Variants in BRD10 observed in about 807,000 individuals in gnomAD.
The protein encoded by BRD10 is bromodomain containing 10.
chr9:5,954,365 C>A, the BRD10 span, among the ~76,000 whole-genome samples: 1 of 152,236 alleles, frequency 6.6e-6, no homozygotes, highest in Admixed American at 6.5e-5. Flanking sequence ...GAATCTACTG[C>A]AAGATTAGGC....
At chr9:6,002,795 G>T in the BRD10 span, among the ~76,000 whole-genome samples, 2 of 151,218 alleles carry the variant, frequency 1.3e-5, no homozygotes, top group African/African-American at 4.9e-5. Context: ...TCATGCCTCA[G>T]CCTCCCAAGT....
At chr9:5,891,788 C>T in the BRD10 span, among the ~76,000 whole-genome samples, 2 of 152,308 alleles carry the variant, frequency 1.3e-5, no homozygotes, top group African/African-American at 4.8e-5. Context: ...AAGGGAAACA[C>T]ATTGTTAGAT....
At chr9:5,972,861 T>C in the BRD10 span, among the ~76,000 whole-genome samples, 1 of 152,160 alleles carries the variant, frequency 6.6e-6, no homozygotes, top group Admixed American at 6.5e-5. Context: ...CAGCACACAA[T>C]GGAGTATCTT....
chr9:5,915,979 CTA>C, the BRD10 span, among the ~76,000 whole-genome samples: 34 of 152,262 alleles, frequency 2.2e-4, no homozygotes, highest in South Asian at 6.4e-3. Flanking sequence ...ACATTTTTAA[CTA>C]TATGTTTCTC....
the BRD10 span, among the ~76,000 whole-genome samples, chr9:5,944,008 C>T: frequency 5.9e-5 from 9 of 152,140 alleles, 1 homozygote; most frequent in Non-Finnish European, 8.8e-5. Context: ...TAACACAAAT[C>T]TGCCGATATC....
At chr9:6,007,782 A>G in the BRD10 span, 64 of 1,543,414 alleles carry the variant, frequency 4.1e-5, no homozygotes, top group African/African-American at 8.5e-4. Context: ...TCCCGGGCAC[A>G]CTCATGCCCC....
chr9:5,890,123 G>A, the BRD10 span, among the ~76,000 whole-genome samples: 4 of 152,174 alleles, frequency 2.6e-5, no homozygotes, highest in Admixed American at 2.6e-4. Flanking sequence ...GGAGGGAATA[G>A]GGAACCCAGT....
At chr9:5,914,409 G>GTTTTTTTTTTTTTTTTT in the BRD10 span, among the ~76,000 whole-genome samples, 1 of 106,924 alleles carries the variant, frequency 9.4e-6, no homozygotes. Context: ...AAATCCAGAT[G>GTTTTTTTTTTTTTTTTT]GTTTTTTTTT....
the BRD10 span, among the ~76,000 whole-genome samples, chr9:5,949,289 T>C: frequency 6.6e-6 from 1 of 151,768 alleles, no homozygotes; most frequent in South Asian, 2.1e-4. Context: ...AACCAGGAAG[T>C]CAGAGATTGC....
At chr9:5,919,941 A>G in the BRD10 span, 1 of 1,614,026 alleles carries the variant, frequency 6.2e-7, no homozygotes, top group Non-Finnish European at 8.5e-7. Context: ...GCAGAAACCA[A>G]AGATGTCTTA....
At chr9:5,899,749 T>C in the BRD10 span, among the ~76,000 whole-genome samples, 26,661 of 152,184 alleles carry the variant, frequency 0.18, 2,421 homozygotes, top group Middle Eastern at 0.21. Flanking sequence ...CTTTCCCCTA[T>C]GTATGAACCA....
chr9:5,946,655 G>A, the BRD10 span, among the ~76,000 whole-genome samples: 194 of 152,054 alleles, frequency 1.3e-3, 2 homozygotes, highest in African/African-American at 4.3e-3. Flanking sequence ...CTCTTTCACC[G>A]AACTTGGTGT....
At chr9:5,915,962 T>A in the BRD10 span, among the ~76,000 whole-genome samples, 1 of 152,216 alleles carries the variant, frequency 6.6e-6, no homozygotes, top group Non-Finnish European at 1.5e-5. Flanking sequence ...CTCTAATACT[T>A]CTTCATACAT....
At chr9:5,889,796 A>T in the BRD10 span, among the ~76,000 whole-genome samples, 1 of 151,700 alleles carries the variant, frequency 6.6e-6, no homozygotes, top group Non-Finnish European at 1.5e-5. Context: ...GAAAAAAAAA[A>T]TGTGTTTGAG....
chr9:5,961,447 G>A, the BRD10 span, among the ~76,000 whole-genome samples: 1 of 151,858 alleles, frequency 6.6e-6, no homozygotes, highest in Non-Finnish European at 1.5e-5. Context: ...AAAACCAAAT[G>A]ATCTGAATTT....
the BRD10 span, among the ~76,000 whole-genome samples, chr9:5,960,591 A>C: frequency 1.3e-5 from 2 of 151,898 alleles, no homozygotes; most frequent in Non-Finnish European, 2.9e-5. Flanking sequence ...AAGAAAAGAC[A>C]ATAATGACTA....
the BRD10 span, chr9:5,968,134 G>A: frequency 9.5e-6 from 15 of 1,581,610 alleles, no homozygotes; most frequent in East Asian, 2.3e-5. Context: ...TTCTCTGTAA[G>A]TTTTCATTCA....
the BRD10 span, chr9:5,922,243 G>C: frequency 6.2e-7 from 1 of 1,613,966 alleles, no homozygotes; most frequent in South Asian, 1.1e-5. Context: ...AACAGTTGAA[G>C]GAACTACCAG....
chr9:5,997,493 A>G, the BRD10 span, among the ~76,000 whole-genome samples: 5 of 152,144 alleles, frequency 3.3e-5, no homozygotes, highest in Middle Eastern at 0.014. Flanking sequence ...AATAAATTCT[A>G]AAGTCACAGT....
Sources: gnomAD v4.1 joint callset for allele counts (sites outside exome capture counted in the v4.1 genomes callset) on GRCh38, gnomAD v4.1.1 for gene constraint, MANE v1.5 for transcripts, NCBI Gene and HGNC (gene_info 2026-07-23, HGNC 2026-07-21) for gene names.